Variants in SLC25A53 observed in about 807,000 individuals in gnomAD.
The protein encoded by SLC25A53 is solute carrier family 25 member 53.
In SLC25A53, 5 loss-of-function variants were observed where a neutral mutation model predicts 15.0. The ratio of observed to expected loss-of-function variants is 0.33; its 90% CI spans 0.17 to 0.70. The LOEUF is 0.70. Among genes scored for constraint, SLC25A53 ranks in the 30% least tolerant of loss-of-function variants. SLC25A53 has a pLI of 0.67. For synonymous variants in SLC25A53, 95 were observed against 100.0 expected, an observed-to-expected ratio of 0.95 and a Z score of 0.30; for missense variants, 216 against 241.6, an observed-to-expected ratio of 0.89 and a Z score of 0.70.
In SLC25A53 at chrX:104,104,731, C is replaced by T. The variant is rs1225992272; in HGVS notation, c.527G>A (p.Arg176His). Residue 176 changes from arginine to histidine, a missense_variant, in exon 2 of 2, where the codon CGT (arginine) becomes CAT (histidine). Coordinates refer to ENST00000594199, the MANE Select transcript of SLC25A53 (RefSeq NM_001012755.5). ...LWGRLSLGYY[R>H]GFWPVLARNS... The stretch of plus-strand genomic sequence containing the variant: ...CCTGGCCAGGACAGGCCAGAAACCA[C>T]GATAGTAGCCCAGTGACAGCCGCCC... 8.3e-6 allele frequency: 10 copies of T among 1,209,493 alleles called. No individual in the cohort carries two copies. Among genetic ancestry groups the T allele is most frequent in the Admixed American group, 4.4e-5 (2 of 45,741 alleles).
chrX:104,109,926 G>A (rs1436308267), intron 1 of SLC25A53, among the ~76,000 whole-genome samples: 1 of 110,368 alleles, frequency 9.1e-6, no homozygotes, highest in Admixed American at 9.7e-5. Flanking sequence ...GTTGAAATTA[G>A]AAAATGTGGT....
intron 1 of SLC25A53, among the ~76,000 whole-genome samples, chrX:104,126,048 T>C (rs184978485): frequency 1.8e-3 from 200 of 112,168 alleles, no homozygotes; most frequent in African/African-American, 6.2e-3. Context: ...GGCTCATGCC[T>C]GTAATCCCAG....
Position 104,099,524 on chromosome X carries a change from A to C in SLC25A53, c.*4810T>G, listed in dbSNP as rs1439137769. 1.8e-5 allele frequency: 2 copies of C among 112,391 alleles called. No homozygotes were observed. The highest frequency in any genetic ancestry group is 6.5e-5 in the African/African-American group (2 of 30,933). 9.3% of individuals were successfully genotyped at this position (112,391 alleles called of 1,213,427 possible). A position where few individuals can be genotyped will look rare whatever the true frequency, so the allele number is the denominator to read the frequency against. On this transcript the variant is annotated 3_prime_UTR_variant, in exon 2 of 2. Coordinates refer to ENST00000594199, the MANE Select transcript of SLC25A53 (RefSeq NM_001012755.5). ...GTAAACTGTACAACAATAAAAATGG[A>C]TCAACTACAGCTATCTGCAATATCA... is the stretch of plus-strand genomic sequence containing the variant.
intron 1 of SLC25A53, among the ~76,000 whole-genome samples, chrX:104,122,666 A>T (rs1294276643): frequency 8.9e-6 from 1 of 111,839 alleles, no homozygotes; most frequent in African/African-American, 3.3e-5. Context: ...TCACAAATTC[A>T]GTTTCAACAA....
At chrX:104,142,252 G>A (rs1169628637) in intron 1 of SLC25A53, among the ~76,000 whole-genome samples, 1 of 111,484 alleles carries the variant, frequency 9.0e-6, no homozygotes, top group Non-Finnish European at 1.9e-5. Context: ...AAAAAAAACT[G>A]AACCAGTTTC....
rs2075394697 is a variant in SLC25A53 at position 104,121,902 on chromosome X, T to TC, written c.-31-16615_-31-16614insG. Among the ~76,000 whole-genome samples, 117 of 28,274 alleles carry TC rather than the reference T, an allele frequency of 4.1e-3. 5 individuals carry two copies. Among genetic ancestry groups the TC allele is most frequent in the East Asian group, 0.015 (10 of 655 alleles). 24.6% of individuals were successfully genotyped at this position (28,274 alleles called of 115,157 possible). A position where few individuals can be genotyped will look rare whatever the true frequency, so the allele number is the denominator to read the frequency against. On this transcript the variant is annotated intron_variant, in intron 1 of 1. Coordinates refer to ENST00000594199, the MANE Select transcript of SLC25A53 (RefSeq NM_001012755.5). Reference sequence around the variant, plus strand: ...ATATATATATATATATATATATATATATATATATATATATATATATATATA... The same window carrying TC: ...ATATATATATATATATATATATATATCATATATATATATATATATATATATA...
chrX:104,140,512 T>C (rs1201689677), intron 1 of SLC25A53, among the ~76,000 whole-genome samples: 1 of 111,535 alleles, frequency 9.0e-6, no homozygotes, highest in Non-Finnish European at 1.9e-5. Context: ...TTGCTCACTC[T>C]GTAGAACTAG....
intron 1 of SLC25A53, among the ~76,000 whole-genome samples, chrX:104,153,347 T>C (rs781960590): frequency 8.2e-5 from 9 of 110,138 alleles, no homozygotes; most frequent in Non-Finnish European, 1.5e-4. Flanking sequence ...GCAATGCCAA[T>C]ATCAAGTGCT....
At chrX:104,114,356 A>T (rs1449846857) in intron 1 of SLC25A53, 3 of 1,209,469 alleles carry the variant, frequency 2.5e-6, no homozygotes, top group Non-Finnish European at 3.4e-6. Context: ...GAGGAGGAAA[A>T]ACTCAAGCGC....
rs145292512 is a variant in SLC25A53 at position 104,100,939 on chromosome X, G to A, written c.*3395C>T. ...CTGACACAATCTACCTGGAGATAGC[G>A]TCATATCCCACAAGCTGAGGACTAG... On this transcript the variant is annotated 3_prime_UTR_variant, in exon 2 of 2. Transcript: ENST00000594199. 16 of 111,104 alleles carry A rather than the reference G, an allele frequency of 1.4e-4. No homozygotes were observed. The highest frequency in any genetic ancestry group is 2.6e-4 in the Non-Finnish European group (14 of 53,054). The allele number at this position is 111,104 out of a possible 1,213,427, so 9.2% of individuals were successfully genotyped here.
At chrX:104,133,140 T>C (rs1187822857) in intron 1 of SLC25A53, among the ~76,000 whole-genome samples, 1 of 112,202 alleles carries the variant, frequency 8.9e-6, no homozygotes, top group Non-Finnish European at 1.9e-5. Context: ...TCCTCTGCAA[T>C]AGCCAGGAGA....
chrX:104,145,270 A>G (rs187148397), intron 1 of SLC25A53, among the ~76,000 whole-genome samples: 1 of 112,542 alleles, frequency 8.9e-6, no homozygotes, highest in East Asian at 2.8e-4. Flanking sequence ...CAATGAGAAC[A>G]AAGACACAAC....
intron 1 of SLC25A53, among the ~76,000 whole-genome samples, chrX:104,150,813 G>A (rs782266876): frequency 9.0e-6 from 1 of 111,634 alleles, no homozygotes; most frequent in East Asian, 2.8e-4. Context: ...CCCTCCAACA[G>A]AGAAGCACCA....
intron 1 of SLC25A53, among the ~76,000 whole-genome samples, chrX:104,143,761 A>G (rs782427018): frequency 9.0e-6 from 1 of 111,574 alleles, no homozygotes. Flanking sequence ...AACACCACAG[A>G]GATATTCCTC....
chrX:104,137,709 G>A (rs1444053378), intron 1 of SLC25A53, among the ~76,000 whole-genome samples: 1 of 111,425 alleles, frequency 9.0e-6, no homozygotes, highest in Non-Finnish European at 1.9e-5. Context: ...TCAGGGCTAT[G>A]CTATATGGAC....
In SLC25A53 at chrX:104,101,314, G is replaced by C. The variant is rs1556352430; in HGVS notation, c.*3020C>G. ...TTTTTATGGAAGCTTCATTGCGTAGGCATGATTGATTAAATCATTGGCCAC... is the reference window on the plus strand; with the variant it reads ...TTTTTATGGAAGCTTCATTGCGTAGCCATGATTGATTAAATCATTGGCCAC... On this transcript the variant is annotated 3_prime_UTR_variant, in exon 2 of 2. Transcript: ENST00000594199. 2 of 111,282 alleles carry C rather than the reference G, an allele frequency of 1.8e-5. No homozygotes were observed. The highest frequency in any genetic ancestry group is 3.8e-5 in the Non-Finnish European group (2 of 53,061). 9.2% of individuals were successfully genotyped at this position (111,282 alleles called of 1,213,427 possible).
chrX:104,135,697 CTCA>C (rs782203333), intron 1 of SLC25A53, among the ~76,000 whole-genome samples: 1 of 111,224 alleles, frequency 9.0e-6, no homozygotes, highest in East Asian at 2.8e-4. Flanking sequence ...CAGCGAAAAA[CTCA>C]TCATGTCACT....
At chrX:104,139,762 C>T (rs2075446152) in intron 1 of SLC25A53, among the ~76,000 whole-genome samples, 1 of 111,535 alleles carries the variant, frequency 9.0e-6, no homozygotes, top group Non-Finnish European at 1.9e-5. Flanking sequence ...TGCAGTGAGC[C>T]GAGATTGTGC....
In SLC25A53 at chrX:104,100,829, T is replaced by C. The variant is rs1172783664; in HGVS notation, c.*3505A>G. The C allele has an allele frequency of 8.9e-6, 1 of 112,185 alleles. No individual in the cohort carries two copies. The highest frequency in any genetic ancestry group is 3.2e-5 in the African/African-American group (1 of 30,881). The allele number at this position is 112,185 out of a possible 1,213,427, so 9.2% of individuals were successfully genotyped here. A position where few individuals can be genotyped will look rare whatever the true frequency, so the allele number is the denominator to read the frequency against. The stretch of plus-strand genomic sequence containing the variant: ...CGGCAATCAGCACAGAATATTTCCA[T>C]GTCCAGATGTGTGGAGTTTTCCCAC... On this transcript the variant is annotated 3_prime_UTR_variant, in exon 2 of 2. Transcript: ENST00000594199.
Sources: gnomAD v4.1 joint callset for allele counts (sites outside exome capture counted in the v4.1 genomes callset) on GRCh38, gnomAD v4.1.1 for gene constraint, MANE v1.5 for transcripts, NCBI Gene and HGNC (gene_info 2026-07-23, HGNC 2026-07-21) for gene names.